The following ZNF615 variants were observed in gnomAD, a reference collection of about 807,000 sequenced individuals.
The protein encoded by ZNF615 is zinc finger protein 615.
Under a neutral mutation model 15.3 loss-of-function variants are expected in ZNF615, and 15 were observed. The ratio of observed to expected loss-of-function variants is 0.98; its 90% CI spans 0.66 to 1.51. The LOEUF (loss-of-function observed/expected upper bound fraction) is 1.51, where lower values mean the gene tolerates loss of function less well. Ranked by LOEUF, ZNF615 falls within the 40% of genes most tolerant of loss-of-function variation. The probability of loss-of-function intolerance (pLI) is 0.00; values close to 1 mark genes in which losing one functional copy is unlikely to be tolerated. For missense variants in ZNF615, 848 were observed against 895.9 expected (o/e 0.95, Z 0.68); for synonymous variants, 268 against 294.6 (o/e 0.91, Z 0.92).
Position 51,993,817 on chromosome 19 carries a change from C to G in ZNF615, c.1292G>C (p.Arg431Pro), listed in dbSNP as rs142913953. The G allele has an allele frequency of 6.2e-7, 1 of 1,614,016 alleles. No individual in the cohort carries two copies. Among genetic ancestry groups the G allele is most frequent in the African/African-American group, 1.3e-5 (1 of 74,920 alleles). The change falls in exon 7 of 7, where the codon CGA becomes CCA. Residue 431 changes from arginine (R) to proline (P), a missense_variant. Transcript: ENST00000598071. ...ATAAGGTTTCTCTCCAGTATGAGTT[C>G]GTTGATGTACCATGAGACAGTGCTT... Reference protein sequence around the residue: ...SMKHCLMVHQRTHTGEKPYKC... With the variant: ...SMKHCLMVHQPTHTGEKPYKC...
chr19:52,001,862 T>G lies in ZNF615; in HGVS notation c.189A>C (p.Gly63=). 6.2e-7 allele frequency: 1 copy of G among 1,614,154 alleles called. No individual in the cohort carries two copies. Among genetic ancestry groups the G allele is most frequent in the Non-Finnish European group, 8.5e-7 (1 of 1,180,026 alleles). The part of the protein sequence containing the change: ...KPDALSKLER[G]EETCTTEDEI... Reference sequence around the variant, plus strand: ...CATCTTCTGTTGTGCAAGTTTCTTCTCCTCGTTCCAATTTGGAGAGTGCAT... The same window carrying G: ...CATCTTCTGTTGTGCAAGTTTCTTCGCCTCGTTCCAATTTGGAGAGTGCAT... Residue 63 remains glycine (G), a synonymous_variant, in exon 5 of 7, where the codon GGA becomes GGC. Coordinates refer to ENST00000598071, the MANE Select transcript of ZNF615 (RefSeq NM_001199324.2).
At chr19:52,005,245 TG>T (rs1276749598) in intron 2 of ZNF615, among the ~76,000 whole-genome samples, 2 of 150,736 alleles carry the variant, frequency 1.3e-5, no homozygotes, top group African/African-American at 4.9e-5. Context: ...GGTGACAGAG[TG>T]AGATTCTATC....
In ZNF615 at chr19:52,007,260, T is replaced by C. The variant is rs993761743; in HGVS notation, c.-190+33A>G. On this transcript the variant is annotated intron_variant, in intron 2 of 6. Coordinates refer to ENST00000598071, the MANE Select transcript of ZNF615 (RefSeq NM_001199324.2). ...CTAAAATTGAAATATTCTGAAAATTTGACAAAGGTTATCTTTGAGTAACCG... is the reference window on the plus strand; with the variant it reads ...CTAAAATTGAAATATTCTGAAAATTCGACAAAGGTTATCTTTGAGTAACCG... 2.4e-6 allele frequency: 3 copies of C among 1,264,232 alleles called. No homozygotes were observed. In the Admixed American group the frequency reaches 7.0e-5, roughly 29 times the overall value. The allele number at this position is 1,264,232 out of a possible 1,614,324, so 78.3% of individuals were successfully genotyped here.
rs117361248 is a variant in ZNF615, at chr19:52,001,994, A to G, written c.143-86T>C. ...AGGAGAGTTACATTTTAAGGACTAC[A>G]TAGGTATCAGATCTGTAACAAGAAG... On this transcript the variant is annotated intron_variant, in intron 4 of 6. Coordinates refer to ENST00000598071, the MANE Select transcript of ZNF615 (RefSeq NM_001199324.2). 2.1e-3 allele frequency: 3,276 copies of G among 1,593,876 alleles called. 7 individuals are homozygous for G. The highest frequency in any genetic ancestry group is 2.6e-3 in the Non-Finnish European group (3,007 of 1,161,744).
Position 52,002,272 on chromosome 19 carries a change from T to C in ZNF615, c.25A>G (p.Thr9Ala), listed in dbSNP as rs1440599050. The C allele has an allele frequency of 1.2e-6, 2 of 1,614,154 alleles. No individual in the cohort carries two copies. Among genetic ancestry groups the C allele is most frequent in the Non-Finnish European group, 8.5e-7 (1 of 1,180,010 alleles). Residue 9 changes from threonine to alanine, a missense_variant, in exon 4 of 7, where the codon ACA becomes GCA. By Grantham distance (58) the Thr-to-Ala change is moderately conservative (BLOSUM62 0). Coordinates refer to ENST00000598071, the MANE Select transcript of ZNF615 (RefSeq NM_001199324.2). ...AAGTCCACAGCCACATCCTCCAGTG[T>C]TAGGGATTCCTGTAATAACACACTT... MMQAQESL[T>A]LEDVAVDFTW...
rs546198416 is a variant in ZNF615, at chr19:51,993,878, A to G, written c.1231T>C (p.Tyr411His). The G allele has an allele frequency of 7.4e-6, 12 of 1,614,072 alleles. No individual in the cohort carries two copies. Among genetic ancestry groups the G allele is most frequent in the Non-Finnish European group, 1.0e-5 (12 of 1,180,028 alleles). ...HQQTHTGEKL[Y>H]TCSECGKGFS... ...CCTTTTCCACATTCACTACATGTAT[A>G]TAATTTCTCTCCTGTATGAGTTTGC... The change falls in exon 7 of 7, where the codon TAT becomes CAT. Residue 411 changes from tyrosine to histidine, a missense_variant. Physicochemically the swap from Tyr to His is moderately conservative, Grantham distance 83. Transcript: ENST00000598071.
intron 2 of ZNF615, among the ~76,000 whole-genome samples, chr19:52,006,699 G>C (rs1024471907): frequency 2.6e-4 from 40 of 152,150 alleles, no homozygotes; most frequent in African/African-American, 8.9e-4. Flanking sequence ...TGAATACTTA[G>C]AAAACCAGTA....
Position 52,000,391 on chromosome 19 carries a change from CATAAAAG to C in ZNF615, c.239-20_239-14del. 2 of 621,036 alleles carry C rather than the reference CATAAAAG, an allele frequency of 3.2e-6. No homozygotes were observed. Among genetic ancestry groups the C allele is most frequent in the Non-Finnish European group, 5.9e-6 (2 of 341,400 alleles). The allele number at this position is 621,036 out of a possible 1,614,324, so 38.5% of individuals were successfully genotyped here. Reference sequence around the variant, plus strand: ...GCACCTCCTGAATCTAAAATAAAAACATAAAAGATAAAATAAAATTAAAAAAATAAAA... The same window carrying C: ...GCACCTCCTGAATCTAAAATAAAAACATAAAATAAAATTAAAAAAATAAAA... On this transcript the variant is annotated splice_polypyrimidine_tract_variant and intron_variant, in intron 5 of 6. Transcript: ENST00000598071.
chr19:51,993,631 T>C lies in ZNF615; in HGVS notation c.1478A>G (p.Lys493Arg). ...TCCACAATCATTGCATATATATGGCTTCTCTGCAGTATGAGTTCGCTGATG... is the reference window on the plus strand; with the variant it reads ...TCCACAATCATTGCATATATATGGCCTCTCTGCAGTATGAGTTCGCTGATG... ...IVHQRTHTAE[K>R]PYICNDCGKG... is the part of the protein sequence containing the mutation. The change falls in exon 7 of 7, where the codon AAG (lysine) becomes AGG (arginine). Residue 493 changes from lysine (K) to arginine (R), a missense_variant. Transcript: ENST00000598071. 2 of 1,614,148 alleles carry C rather than the reference T, an allele frequency of 1.2e-6. No individual in the cohort carries two copies. The highest frequency in any genetic ancestry group is 1.7e-6 in the Non-Finnish European group (2 of 1,180,014).
At chr19:52,005,601 T>C (rs1259877958) in intron 2 of ZNF615, among the ~76,000 whole-genome samples, 1 of 152,184 alleles carries the variant, frequency 6.6e-6, no homozygotes, top group Non-Finnish European at 1.5e-5. Flanking sequence ...CCATGGGCTC[T>C]AGTTGCCCAA....
chr19:51,997,233 A>G (rs2086465961), intron 6 of ZNF615, among the ~76,000 whole-genome samples: 1 of 152,090 alleles, frequency 6.6e-6, no homozygotes, highest in African/African-American at 2.4e-5. Context: ...TGAGCCCAGG[A>G]GATTGAGGCT....
Position 51,993,297 on chromosome 19 carries a change from C to T in ZNF615, c.1812G>A (p.Glu604=), listed in dbSNP as rs772897796. The T allele has an allele frequency of 3.1e-6, 5 of 1,614,136 alleles. No homozygotes were observed. The highest frequency in any genetic ancestry group is 4.2e-6 in the Non-Finnish European group (5 of 1,180,020). ...LIAHQRTHTG[E]KPYICNECGK... ...CACATTCATTGCATATATAAGGTTTCTCCCCAGTATGAGTTCGCTGATGTG... is the reference window on the plus strand; with the variant it reads ...CACATTCATTGCATATATAAGGTTTTTCCCCAGTATGAGTTCGCTGATGTG... The change falls in exon 7 of 7, where the codon GAG becomes GAA. Residue 604 remains glutamate (E), a synonymous_variant. Transcript: ENST00000598071.
intron 2 of ZNF615, among the ~76,000 whole-genome samples, chr19:52,005,181 C>T (rs2086715465): frequency 6.6e-6 from 1 of 152,120 alleles, no homozygotes; most frequent in South Asian, 2.1e-4. Flanking sequence ...ATTGCTTGAA[C>T]CCAGGAAGCG....
chr19:51,996,293 C>T (rs567147145), intron 6 of ZNF615, among the ~76,000 whole-genome samples: 1 of 140,142 alleles, frequency 7.1e-6, no homozygotes, highest in East Asian at 2.3e-4. Flanking sequence ...GGCTGAGGCA[C>T]AAGAATCGCT....
In ZNF615 at chr19:51,992,101, A is replaced by T. The variant is rs1411797329; in HGVS notation, c.*779T>A. The T allele has an allele frequency of 6.6e-6, 1 of 152,230 alleles. No individual in the cohort carries two copies. Among genetic ancestry groups the T allele is most frequent in the Admixed American group, 6.5e-5 (1 of 15,284 alleles). The allele number at this position is 152,230 out of a possible 1,614,324, so 9.4% of individuals were successfully genotyped here. A position where few individuals can be genotyped will look rare whatever the true frequency, so the allele number is the denominator to read the frequency against. ...AGTTTCATTCTGAAGTACTTTAGTT[A>T]TTCTGAAATAACACAAACTTAGAAC... On this transcript the variant is annotated 3_prime_UTR_variant, in exon 7 of 7. Transcript: ENST00000598071.
chr19:51,993,808 G>A lies in ZNF615; in HGVS notation c.1301C>T (p.Thr434Ile). Reference protein sequence around the residue: ...HCLMVHQRTHTGEKPYKCNEC... With the variant: ...HCLMVHQRTHIGEKPYKCNEC... ...ATTGCATTTATAAGGTTTCTCTCCAGTATGAGTTCGTTGATGTACCATGAG... is the reference window on the plus strand; with the variant it reads ...ATTGCATTTATAAGGTTTCTCTCCAATATGAGTTCGTTGATGTACCATGAG... The change falls in exon 7 of 7, where the codon ACT (threonine) becomes ATT (isoleucine). Residue 434 changes from threonine (T) to isoleucine (I), a missense_variant. Physicochemically the swap from Thr to Ile is moderately conservative, Grantham distance 89 (BLOSUM62 -1). Transcript: ENST00000598071. The A allele has an allele frequency of 6.2e-7, 1 of 1,614,160 alleles. No individual in the cohort carries two copies. The highest frequency in any genetic ancestry group is 8.5e-7 in the Non-Finnish European group (1 of 1,180,026).
chr19:51,992,782 T>G lies in ZNF615; in HGVS notation c.*98A>C. ...CTGACACAAAACATGAAGTAACTGATCACTAAATAAACAACCATGTAGTCT... is the reference window on the plus strand; with the variant it reads ...CTGACACAAAACATGAAGTAACTGAGCACTAAATAAACAACCATGTAGTCT... On this transcript the variant is annotated 3_prime_UTR_variant, in exon 7 of 7. Coordinates refer to ENST00000598071, the MANE Select transcript of ZNF615 (RefSeq NM_001199324.2). 2 of 1,324,824 alleles carry G rather than the reference T, an allele frequency of 1.5e-6. No homozygotes were observed. Among genetic ancestry groups the G allele is most frequent in the Non-Finnish European group, 2.1e-6 (2 of 964,260 alleles). 82.1% of individuals were successfully genotyped at this position (1,324,824 alleles called of 1,614,324 possible).
In ZNF615 at chr19:51,992,949, T is replaced by C; in HGVS notation, c.2160A>G (p.Gly720=). ...CAAAAGCTTTCCCACAATCACTACA[T>C]CCATAGGGCCTCTCTCCTGTATGTT... ...QRKHTGERPY[G]CSDCGKAFAH... is the part of the protein sequence containing the mutation. The change falls in exon 7 of 7, where the codon GGA becomes GGG. Residue 720 remains glycine (G), a synonymous_variant. Transcript: ENST00000598071. 6.2e-7 allele frequency: 1 copy of C among 1,614,160 alleles called. No individual in the cohort carries two copies. The highest frequency in any genetic ancestry group is 8.5e-7 in the Non-Finnish European group (1 of 1,180,022).
At chr19:52,004,073 G>A (rs2086680972) in intron 2 of ZNF615, among the ~76,000 whole-genome samples, 173 bp from the exon 3 acceptor site, 2 of 152,152 alleles carry the variant, frequency 1.3e-5, no homozygotes, top group Non-Finnish European at 2.9e-5. Context: ...ATATATGGGA[G>A]GTACAGCACC....
Sources: gnomAD v4.1 joint callset for allele counts (sites outside exome capture counted in the v4.1 genomes callset) on GRCh38, gnomAD v4.1.1 for gene constraint, MANE v1.5 for transcripts, NCBI Gene and HGNC (gene_info 2026-07-23, HGNC 2026-07-21) for gene names.